TUT7: variants seen among roughly 807,000 people sequenced by gnomAD.
TUT7 encodes terminal uridylyltransferase 7.
In TUT7, 33 loss-of-function variants were observed where a neutral mutation model predicts 165.9. The ratio of observed to expected loss-of-function variants is 0.20; its 90% CI spans 0.15 to 0.27. The LOEUF (loss-of-function observed/expected upper bound fraction) is 0.27. Among genes scored for constraint, TUT7 ranks in the 10% least tolerant of loss-of-function variants. The pLI is 1.00. For missense variants in TUT7, 1,338 were observed against 1,762.3 expected (o/e 0.76, Z 4.31); for synonymous variants, 552 against 608.1 (o/e 0.91, Z 1.36).
At chr9:86,295,517 A>G (rs569678472) in intron 26 of TUT7, among the ~76,000 whole-genome samples, 1 of 152,314 alleles carries the variant, frequency 6.6e-6, no homozygotes, top group South Asian at 2.1e-4. Flanking sequence ...CAGTCCATTA[A>G]TAAGACATGA....
chr9:86,298,942 A>G (rs921393396), intron 26 of TUT7: 9 of 393,374 alleles, frequency 2.3e-5, no homozygotes, highest in Non-Finnish European at 3.1e-5. Context: ...GGGTGGCAGA[A>G]TTTTGCAAGT....
At chr9:86,342,897 TA>T (rs1231176264) in intron 6 of TUT7, among the ~76,000 whole-genome samples, 177 bp downstream of exon 6, 1 of 151,588 alleles carries the variant, frequency 6.6e-6, no homozygotes, top group African/African-American at 2.4e-5. Context: ...TAGACTAAAA[TA>T]AGTATGAAAA....
At chr9:86,290,185 T>C (rs577319402) in intron 26 of TUT7, among the ~76,000 whole-genome samples, 2 of 152,308 alleles carry the variant, frequency 1.3e-5, no homozygotes, top group African/African-American at 2.4e-5. Context: ...TTAACTATTA[T>C]TGTATTAATG....
chr9:86,309,444 C>A lies in TUT7; in HGVS notation c.3582+19G>T, dbSNP rs752720637. The A allele has an allele frequency of 1.9e-6, 3 of 1,582,712 alleles. No homozygotes were observed. Among genetic ancestry groups the A allele is most frequent in the Non-Finnish European group, 1.7e-6 (2 of 1,161,714 alleles). On this transcript the variant is annotated intron_variant, in intron 20 of 26. Transcript: ENST00000375963. Reference sequence around the variant, plus strand: ...TCACCAGTTTTCCAGATAAGAAATACAATTTCATTCACTAATACCTCTTGA... The same window carrying A: ...TCACCAGTTTTCCAGATAAGAAATAAAATTTCATTCACTAATACCTCTTGA...
intron 17 of TUT7, among the ~76,000 whole-genome samples, chr9:86,313,751 TG>T (rs397893275): frequency 6.6e-6 from 1 of 152,226 alleles, no homozygotes; most frequent in Non-Finnish European, 1.5e-5. Context: ...TTAATGGAGT[TG>T]GTTCCTGCAG....
chr9:86,323,559 C>T lies in TUT7; in HGVS notation c.2191G>A (p.Val731Ile). 2 of 1,614,210 alleles carry T rather than the reference C, an allele frequency of 1.2e-6. No individual in the cohort carries two copies. Among genetic ancestry groups the T allele is most frequent in the Non-Finnish European group, 1.7e-6 (2 of 1,180,032 alleles). Residue 731 changes from valine (V) to isoleucine (I), a missense_variant, in exon 13 of 27, where the codon GTT becomes ATT. Transcript: ENST00000375963. ...TCACCCTTGTAATCATCAGAGTTAA[C>T]ATCTGCTTGGATACAGTCTGAGTTT... ...PENSDCIQAD[V>I]NSDDYKGDKV...
At position 86,323,815 on chromosome 9, in the gene TUT7, ATTCAGAGGC is replaced by A. The variant is rs777973620; in HGVS notation, c.1926_1934del (p.Lys642_Leu644del). The A allele has an allele frequency of 3.7e-5, 59 of 1,613,990 alleles. No homozygotes were observed. Among genetic ancestry groups the A allele is most frequent in the Non-Finnish European group, 4.4e-5 (52 of 1,179,950 alleles). ...AATGTTCTGAAATACATGTAATTGC[ATTCAGAGGC>A]TTTAGAAGGCTGGATTTTGTAATTT... On this transcript the variant is annotated inframe_deletion, in exon 13 of 27. Coordinates refer to ENST00000375963, the MANE Select transcript of TUT7 (RefSeq NM_024617.4).
chr9:86,299,449 G>A (rs181216451), intron 26 of TUT7, among the ~76,000 whole-genome samples: 1 of 152,242 alleles, frequency 6.6e-6, no homozygotes, highest in African/African-American at 2.4e-5. Flanking sequence ...TTTTGAGAGA[G>A]GAAGAAGCAG....
At chr9:86,351,752 T>G (rs980663365) in intron 2 of TUT7, among the ~76,000 whole-genome samples, 3 of 152,090 alleles carry the variant, frequency 2.0e-5, no homozygotes, top group African/African-American at 4.8e-5. Context: ...CTAAAAAAAT[T>G]TATTTAAAAG....
chr9:86,336,549 A>G (rs1830796348), intron 10 of TUT7, among the ~76,000 whole-genome samples: 1 of 152,222 alleles, frequency 6.6e-6, no homozygotes, highest in Non-Finnish European at 1.5e-5. Flanking sequence ...CAGTATAAGG[A>G]AAAAATTCTC....
At chr9:86,302,135 C>A (rs1477826070) in intron 25 of TUT7, among the ~76,000 whole-genome samples, 3 of 152,104 alleles carry the variant, frequency 2.0e-5, no homozygotes, top group Admixed American at 1.3e-4. Flanking sequence ...CAGATGGTAA[C>A]CTAATTTGAG....
At chr9:86,320,066 C>G (rs553798111) in intron 14 of TUT7, among the ~76,000 whole-genome samples, 1 of 151,956 alleles carries the variant, frequency 6.6e-6, no homozygotes, top group Non-Finnish European at 1.5e-5. Context: ...GCTCTTGAAA[C>G]GGAAAGTAAT....
intron 26 of TUT7, among the ~76,000 whole-genome samples, chr9:86,289,641 CA>C (rs1175180928): frequency 6.0e-5 from 9 of 151,106 alleles, no homozygotes; most frequent in African/African-American, 2.0e-4. Flanking sequence ...ACTTGTAAGT[CA>C]CCAGAGAAAA....
chr9:86,296,725 G>A (rs567402762), intron 26 of TUT7, among the ~76,000 whole-genome samples: 1 of 152,340 alleles, frequency 6.6e-6, no homozygotes, highest in South Asian at 2.1e-4. Flanking sequence ...TATGAGAGTA[G>A]GGGCTGTCCG....
chr9:86,320,033 C>G (rs1029146712), intron 14 of TUT7, among the ~76,000 whole-genome samples: 1 of 151,890 alleles, frequency 6.6e-6, no homozygotes, highest in Non-Finnish European at 1.5e-5. Flanking sequence ...TTAAGATGTC[C>G]TTTTTTAAAG....
chr9:86,309,859 T>C (rs1464845454), intron 19 of TUT7, 69 bp downstream of exon 19: 2 of 1,416,588 alleles, frequency 1.4e-6, no homozygotes, highest in Non-Finnish European at 2.0e-6. Context: ...AAAAATAGAT[T>C]TATGTTTTCA....
chr9:86,345,277 G>A, intron 4 of TUT7, 123 bp from the exon 5 acceptor site: 1 of 909,134 alleles, frequency 1.1e-6, no homozygotes, highest in Non-Finnish European at 1.6e-6. Context: ...TTTTAGCTGT[G>A]TTAGTTTTCA....
At chr9:86,321,968 T>C (rs1420907263) in intron 14 of TUT7, among the ~76,000 whole-genome samples, 1 of 152,048 alleles carries the variant, frequency 6.6e-6, no homozygotes, top group Admixed American at 6.6e-5. Flanking sequence ...CCCAGCTACT[T>C]GGGAGGCTGA....
rs766741931 is a variant in TUT7 at position 86,301,252 on chromosome 9, T to C, written c.4420+24A>G. On this transcript the variant is annotated intron_variant, in intron 26 of 26. Coordinates refer to ENST00000375963, the MANE Select transcript of TUT7 (RefSeq NM_024617.4). ...TTCCCTTGAGATGTTAGAGCAAACA[T>C]CAAGGTGTGATAGGTGTCCATACCT... 6.9e-6 allele frequency: 11 copies of C among 1,589,230 alleles called. No individual in the cohort carries two copies. In the African/African-American group the frequency reaches 1.4e-4, roughly 20 times the overall value.
Sources: gnomAD v4.1 joint callset for allele counts (sites outside exome capture counted in the v4.1 genomes callset) on GRCh38, gnomAD v4.1.1 for gene constraint, MANE v1.5 for transcripts, NCBI Gene and HGNC (gene_info 2026-07-23, HGNC 2026-07-21) for gene names.